The following NPSR1 variants were observed in gnomAD, a reference collection of about 807,000 sequenced individuals.
NPSR1 encodes the protein neuropeptide S receptor 1.
In NPSR1, 48 loss-of-function variants were observed where a neutral mutation model predicts 46.9. The observed-to-expected ratio is 1.02, with a 90% CI of 0.81 to 1.30. The LOEUF (loss-of-function observed/expected upper bound fraction) is 1.30, where lower values mean the gene tolerates loss of function less well. Ranked by LOEUF, NPSR1 falls within the 50% of genes most tolerant of loss-of-function variation. NPSR1 has a pLI of 0.00. For missense variants in NPSR1, 450 were observed against 449.5 expected, an observed-to-expected ratio of 1.00 and a Z score of -0.01; for synonymous variants, 176 against 168.1, an observed-to-expected ratio of 1.05 and a Z score of -0.36.
intron 1 of NPSR1, among the ~76,000 whole-genome samples, chr7:34,658,931 T>A (rs1562631615): frequency 1.3e-5 from 2 of 152,160 alleles, no homozygotes; most frequent in Admixed American, 1.3e-4. Context: ...AGTTTTTTGC[T>A]AGGAACACCA....
intron 1 of NPSR1, among the ~76,000 whole-genome samples, chr7:34,673,494 T>C (rs1208458969): frequency 6.6e-6 from 1 of 151,942 alleles, no homozygotes; most frequent in Non-Finnish European, 1.5e-5. Context: ...TACATGGGAG[T>C]TCACAGAATG....
intron 2 of NPSR1, chr7:34,751,166 A>C: frequency 9.5e-7 from 1 of 1,047,346 alleles, no homozygotes. Context: ...AGGTGAGCAT[A>C]TAGATGAGGA....
intron 4 of NPSR1, among the ~76,000 whole-genome samples, chr7:34,818,981 G>A (rs978618394): frequency 1.3e-5 from 2 of 152,082 alleles, no homozygotes; most frequent in African/African-American, 4.8e-5. Flanking sequence ...AGAAAACCTA[G>A]GCAATACCAT....
At chr7:34,784,296 T>A (rs1489573605) in intron 3 of NPSR1, among the ~76,000 whole-genome samples, 1 of 152,158 alleles carries the variant, frequency 6.6e-6, no homozygotes, top group Non-Finnish European at 1.5e-5. Flanking sequence ...TTTTTGCCCA[T>A]TCAGTATGAT....
intron 1 of NPSR1, among the ~76,000 whole-genome samples, chr7:34,678,780 T>A (rs61635299): frequency 0.17 from 25,612 of 149,612 alleles, 3,200 homozygotes; most frequent in African/African-American, 0.35. Flanking sequence ...GAGCCGAGAT[T>A]GCGCCACTGC....
At position 34,715,647 on chromosome 7, in the gene NPSR1, C is replaced by T. The variant is rs183311248; in HGVS notation, c.280+30963C>T. Reference sequence around the variant, plus strand: ...CTTTGAGCTGTGAGTTTGGAGGCCACGTGTTGAGATGGTAGAGTCCTCAGA... The same window carrying T: ...CTTTGAGCTGTGAGTTTGGAGGCCATGTGTTGAGATGGTAGAGTCCTCAGA... On this transcript the variant is annotated intron_variant, in intron 2 of 8. Coordinates refer to ENST00000360581, the MANE Select transcript of NPSR1 (RefSeq NM_207172.2). 3.3e-5 allele frequency among the ~76,000 whole-genome samples: 5 copies of T among 152,312 alleles called. 1 individual carries two copies. In the East Asian group the frequency reaches 5.8e-4, roughly 18 times the overall value.
At chr7:34,685,671 T>G in intron 2 of NPSR1, 1 of 417,690 alleles carries the variant, frequency 2.4e-6, no homozygotes, top group Non-Finnish European at 4.7e-6. Context: ...TTTCAAAAAT[T>G]TATGACACTG....
intron 8 of NPSR1, among the ~76,000 whole-genome samples, chr7:34,857,363 TATC>T (rs1447340284): frequency 1.3e-5 from 2 of 151,702 alleles, no homozygotes; most frequent in Admixed American, 6.6e-5. Flanking sequence ...ATATCAAACT[TATC>T]ATGAAAGAAT....
intron 1 of NPSR1, among the ~76,000 whole-genome samples, chr7:34,668,285 G>A (rs558680799): frequency 4.6e-5 from 7 of 151,996 alleles, no homozygotes; most frequent in Admixed American, 2.0e-4. Context: ...CATCTTTCAC[G>A]TATTATTGTA....
rs530956646 is a variant in NPSR1 at position 34,751,832 on chromosome 7, T to C, written c.281-26630T>C. The C allele has an allele frequency of 9.5e-6, 15 of 1,585,882 alleles. No homozygotes were observed. In the African/African-American group the frequency reaches 1.5e-4, roughly 16 times the overall value. ...GTGGGACTCTCTGCCAGTTGGTAAA[T>C]GAGGGTCACTGCCACCTCTTTGAAT... On this transcript the variant is annotated intron_variant, in intron 2 of 8. Transcript: ENST00000360581.
chr7:34,837,229 GC>G (rs1378306071), intron 6 of NPSR1, among the ~76,000 whole-genome samples: 1 of 152,108 alleles, frequency 6.6e-6, no homozygotes, highest in Non-Finnish European at 1.5e-5. Context: ...TGGCCCTTTA[GC>G]CTGAGTAAAC....
chr7:34,698,668 C>T (rs1210390177), intron 2 of NPSR1, among the ~76,000 whole-genome samples: 1 of 152,136 alleles, frequency 6.6e-6, no homozygotes, highest in African/African-American at 2.4e-5. Flanking sequence ...ATGAACCCAC[C>T]TTCAATTTGT....
At chr7:34,675,292 C>A (rs1189851810) in intron 1 of NPSR1, among the ~76,000 whole-genome samples, 1 of 152,170 alleles carries the variant, frequency 6.6e-6, no homozygotes, top group Non-Finnish European at 1.5e-5. Flanking sequence ...ATGTGATTCA[C>A]TCAAATTATT....
At chr7:34,772,952 T>G (rs1484522649) in intron 2 of NPSR1, among the ~76,000 whole-genome samples, 1 of 152,110 alleles carries the variant, frequency 6.6e-6, no homozygotes, top group Admixed American at 6.6e-5. Flanking sequence ...CAAAGTGCCC[T>G]GGTGGCAGCC....
At chr7:34,730,517 G>C (rs1269359142) in intron 2 of NPSR1, among the ~76,000 whole-genome samples, 1 of 152,156 alleles carries the variant, frequency 6.6e-6, no homozygotes, top group African/African-American at 2.4e-5. Flanking sequence ...AAGCAGGAAG[G>C]CTCTCAATGG....
At position 34,843,362 on chromosome 7, in the gene NPSR1, G is replaced by A. The variant is rs181350992; in HGVS notation, c.758-1534G>A. 3.8e-4 allele frequency among the ~76,000 whole-genome samples: 58 copies of A among 152,302 alleles called. 1 individual carries two copies. Among genetic ancestry groups the A allele is most frequent in the African/African-American group, 1.3e-3 (52 of 41,566 alleles). On this transcript the variant is annotated intron_variant, in intron 6 of 8. Transcript: ENST00000360581. ...ACAGAGAGAACGTCAAGCCAAACTC[G>A]TCCATTCCATCAGAAGCCCACTTCC...
intron 2 of NPSR1, among the ~76,000 whole-genome samples, chr7:34,718,185 TAAC>T (rs1432690901): frequency 2.6e-5 from 4 of 152,326 alleles, no homozygotes; most frequent in Admixed American, 6.5e-5. Context: ...TCATTGTAAA[TAAC>T]AATAATAAAA....
At chr7:34,803,460 C>T (rs748073253) in intron 3 of NPSR1, among the ~76,000 whole-genome samples, 37 of 151,766 alleles carry the variant, frequency 2.4e-4, no homozygotes, top group Non-Finnish European at 3.5e-4. Context: ...AGTAAACTAT[C>T]GCAAGGACAA....
In NPSR1 at chr7:34,849,973, G is replaced by A; in HGVS notation, c.*318G>A. 2 of 1,084,162 alleles carry A rather than the reference G, an allele frequency of 1.8e-6. No homozygotes were observed. Among genetic ancestry groups the A allele is most frequent in the Non-Finnish European group, 2.2e-6 (2 of 891,548 alleles). 67.2% of individuals were successfully genotyped at this position (1,084,162 alleles called of 1,614,324 possible). Reference sequence around the variant, plus strand: ...CAGGGTCCTGGCTTGGAGCCAGTGAGTAGACAGGCAAGCAGAGGGGACAAA... The same window carrying A: ...CAGGGTCCTGGCTTGGAGCCAGTGAATAGACAGGCAAGCAGAGGGGACAAA... On this transcript the variant is annotated 3_prime_UTR_variant, in exon 9 of 9. Transcript: ENST00000360581.
Sources: allele counts gnomAD v4.1 joint callset (sites outside exome capture counted in the v4.1 genomes callset), GRCh38; gene constraint gnomAD v4.1.1; transcripts MANE v1.5; gene names NCBI Gene and HGNC (gene_info 2026-07-23, HGNC 2026-07-21).